Variants in SRGAP1 observed in about 807,000 individuals in gnomAD.
The protein encoded by SRGAP1 is SLIT-ROBO Rho GTPase-activating protein 1.
A neutral mutation model predicts 121.9 loss-of-function variants in SRGAP1; 43 were observed. The ratio of observed to expected loss-of-function variants is 0.35; its 90% CI spans 0.28 to 0.46. SRGAP1 has a LOEUF of 0.46. SRGAP1 is among the 20% of genes least tolerant of loss of function. The pLI is 1.00. For synonymous variants in SRGAP1, 447 were observed against 485.4 expected (o/e 0.92, Z 1.04); for missense variants, 1,102 against 1,350.9 (o/e 0.82, Z 2.89).
chr12:63,896,085 G>A (rs1230857755), intron 1 of SRGAP1, among the ~76,000 whole-genome samples: 1 of 152,122 alleles, frequency 6.6e-6, no homozygotes, highest in Non-Finnish European at 1.5e-5. Flanking sequence ...CTCATAGTGT[G>A]ACCTTGGCAA....
intron 1 of SRGAP1, among the ~76,000 whole-genome samples, chr12:63,944,301 AAAC>A (rs1310566697): frequency 6.6e-6 from 1 of 152,178 alleles, no homozygotes; most frequent in African/African-American, 2.4e-5. Context: ...AAGGGCTTGT[AAAC>A]AACAGAAATT....
At chr12:63,951,394 C>T (rs1339659454) in intron 1 of SRGAP1, among the ~76,000 whole-genome samples, 1 of 152,068 alleles carries the variant, frequency 6.6e-6, no homozygotes, top group Non-Finnish European at 1.5e-5. Flanking sequence ...GAACTCCTGA[C>T]CTCAAGTGAT....
intron 1 of SRGAP1, among the ~76,000 whole-genome samples, chr12:63,865,629 G>A (rs954488841): frequency 6.6e-6 from 1 of 152,188 alleles, no homozygotes; most frequent in Admixed American, 6.5e-5. Context: ...GGTGAATATG[G>A]TGGATGAAGC....
chr12:63,983,788 T>C (rs2033316955), intron 1 of SRGAP1, 159 bp from the exon 2 acceptor site: 1 of 119,682 alleles, frequency 8.4e-6, no homozygotes, highest in Non-Finnish European at 1.6e-5. Context: ...AATAAATAAA[T>C]ACATTTAAAA....
At chr12:64,042,586 T>A (rs2035047259) in intron 4 of SRGAP1, among the ~76,000 whole-genome samples, 1 of 152,180 alleles carries the variant, frequency 6.6e-6, no homozygotes, top group South Asian at 2.1e-4. Context: ...TAGGTGCTTT[T>A]TCCTGGCAGA....
Position 64,143,838 on chromosome 12 carries a change from C to T in SRGAP1, c.*1166C>T, listed in dbSNP as rs2037007508. The T allele has an allele frequency of 6.6e-6, 1 of 152,230 alleles. No individual in the cohort carries two copies. Among genetic ancestry groups the T allele is most frequent in the African/African-American group, 2.4e-5 (1 of 41,442 alleles). The allele number at this position is 152,230 out of a possible 1,614,324, so 9.4% of individuals were successfully genotyped here. On this transcript the variant is annotated 3_prime_UTR_variant, in exon 22 of 22. Transcript: ENST00000355086. The stretch of plus-strand genomic sequence containing the variant: ...ATCCTAAATTTGAAATCCCAACTGT[C>T]CTCTCCATTTGTCTTTGAGCCAACC...
chr12:63,991,463 A>G (rs924213296), intron 3 of SRGAP1, among the ~76,000 whole-genome samples: 2 of 152,252 alleles, frequency 1.3e-5, no homozygotes, highest in Non-Finnish European at 2.9e-5. Flanking sequence ...ACAAATTTCA[A>G]ACAAAGGAGA....
chr12:63,940,196 A>G (rs559613395), intron 1 of SRGAP1, among the ~76,000 whole-genome samples: 9 of 151,972 alleles, frequency 5.9e-5, no homozygotes, highest in Admixed American at 2.6e-4. Flanking sequence ...TCCTGAGCTC[A>G]AGTGATCCAC....
chr12:64,129,132 T>C (rs1466009839), intron 21 of SRGAP1, among the ~76,000 whole-genome samples: 2 of 152,054 alleles, frequency 1.3e-5, no homozygotes, highest in Non-Finnish European at 2.9e-5. Context: ...TACCTAGGTA[T>C]ATTAGGATTC....
intron 15 of SRGAP1, 30 bp from the exon 16 acceptor site, chr12:64,108,902 G>C: frequency 2.0e-6 from 3 of 1,536,570 alleles, no homozygotes; most frequent in Non-Finnish European, 2.7e-6. Flanking sequence ...CAAGTGAAAG[G>C]ACTCTGACCA....
At chr12:63,846,544 A>C (rs1001487065) in intron 1 of SRGAP1, among the ~76,000 whole-genome samples, 4 of 152,200 alleles carry the variant, frequency 2.6e-5, no homozygotes, top group African/African-American at 9.7e-5. Context: ...GCGAAATGGG[A>C]TGTGTTGCAA....
rs369144148 is a variant in SRGAP1, at chr12:63,858,950, G to T, written c.67+14067G>T. Among the ~76,000 whole-genome samples the T allele has an allele frequency of 2.6e-5, 4 of 152,198 alleles. No individual in the cohort carries two copies. In the South Asian group the frequency reaches 8.3e-4, roughly 32 times the overall value. ...ACTCCTGACCTCAGGTGATCCACCC[G>T]CCTCGGCCTCCCAAAGTGCTGGGAT... On this transcript the variant is annotated intron_variant, in intron 1 of 21. Transcript: ENST00000355086.
rs1048871563 is a variant in SRGAP1 at position 63,878,244 on chromosome 12, G to C, written c.67+33361G>C. Among the ~76,000 whole-genome samples, 14 of 152,256 alleles carry C rather than the reference G, an allele frequency of 9.2e-5. No homozygotes were observed. The South Asian group carries it at 1.9e-3, about 20-fold the overall frequency. On this transcript the variant is annotated intron_variant, in intron 1 of 21. Coordinates refer to ENST00000355086, the MANE Select transcript of SRGAP1 (RefSeq NM_020762.4). ...GCAAACTTTTTCTGTGAAGAGCCAG[G>C]GAGCAAATATTTGAGGCTTTGTGGG...
rs949371116 is a variant in SRGAP1, at chr12:64,159,223, T to C, written c.*16551T>C. The C allele has an allele frequency of 6.6e-6, 1 of 152,376 alleles. No homozygotes were observed. Among genetic ancestry groups the C allele is most frequent in the Non-Finnish European group, 1.5e-5 (1 of 68,258 alleles). The allele number at this position is 152,376 out of a possible 1,614,324, so 9.4% of individuals were successfully genotyped here. ...GTTCACACCTGTAATCCCAGAACTT[T>C]AGAAGGCCGAGGTGGGTGGATCACT... On this transcript the variant is annotated 3_prime_UTR_variant, in exon 22 of 22. Transcript: ENST00000355086.
chr12:63,903,175 C>T (rs181715220), intron 1 of SRGAP1, among the ~76,000 whole-genome samples: 14 of 152,156 alleles, frequency 9.2e-5, no homozygotes, highest in African/African-American at 3.4e-4. Context: ...TCCACATGCA[C>T]TCATACTCAG....
intron 1 of SRGAP1, among the ~76,000 whole-genome samples, chr12:63,955,849 A>T (rs1223720666): frequency 6.6e-6 from 1 of 152,282 alleles, no homozygotes; most frequent in Non-Finnish European, 1.5e-5. Flanking sequence ...TTTTCTTTTA[A>T]TGACTATTAT....
rs770316176 is a variant in SRGAP1 at position 64,146,708 on chromosome 12, C to G, written c.*4036C>G. 6 of 151,948 alleles carry G rather than the reference C, an allele frequency of 3.9e-5. No homozygotes were observed. The highest frequency in any genetic ancestry group is 7.4e-5 in the Non-Finnish European group (5 of 67,980). The allele number at this position is 151,948 out of a possible 1,614,324, so 9.4% of individuals were successfully genotyped here. On this transcript the variant is annotated 3_prime_UTR_variant, in exon 22 of 22. Transcript: ENST00000355086. ...CACAGAGCAGCTTAGAAGTCTCTACCCAGGCGTAAATAGAGCTCCCTACTC... is the reference window on the plus strand; with the variant it reads ...CACAGAGCAGCTTAGAAGTCTCTACGCAGGCGTAAATAGAGCTCCCTACTC...
At chr12:63,906,251 G>A (rs2030202185) in intron 1 of SRGAP1, among the ~76,000 whole-genome samples, 1 of 151,932 alleles carries the variant, frequency 6.6e-6, no homozygotes. Context: ...CTCATTGTAT[G>A]GATTTTACAT....
Position 63,964,119 on chromosome 12 carries a change from G to A in SRGAP1, c.68-19828G>A, listed in dbSNP as rs2032719116. 3.3e-5 allele frequency among the ~76,000 whole-genome samples: 5 copies of A among 152,136 alleles called. 1 individual carries two copies. In the South Asian group the frequency reaches 1.0e-3, roughly 32 times the overall value. On this transcript the variant is annotated intron_variant, in intron 1 of 21. Coordinates refer to ENST00000355086, the MANE Select transcript of SRGAP1 (RefSeq NM_020762.4). ...AGCACCCAGCTTCAGCTACCAGCCG[G>A]GTGGCTGTGGGCAAATTCTTAGTCT...
Sources: gnomAD v4.1 joint callset for allele counts (sites outside exome capture counted in the v4.1 genomes callset) on GRCh38, gnomAD v4.1.1 for gene constraint, MANE v1.5 for transcripts, NCBI Gene and HGNC (gene_info 2026-07-23, HGNC 2026-07-21) for gene names.